Variants in FLYWCH1 observed in about 807,000 individuals in gnomAD.
FLYWCH1 encodes FLYWCH-type zinc finger-containing protein 1.
A neutral mutation model predicts 66.4 loss-of-function variants in FLYWCH1; 75 were observed. The ratio of observed to expected loss-of-function variants is 1.13; its 90% CI spans 0.94 to 1.37. FLYWCH1 has a LOEUF of 1.37. FLYWCH1 is among the 40% of genes most tolerant of loss of function. The pLI is 0.00. For missense variants in FLYWCH1, 1,334 were observed against 1,001.8 expected (o/e 1.33, Z -4.48); for synonymous variants, 595 against 429.9 (o/e 1.38, Z -4.75).
At chr16:2,925,015 CCTTCACT>C (rs1261269499) in intron 2 of FLYWCH1, among the ~76,000 whole-genome samples, 1 of 152,248 alleles carries the variant, frequency 6.6e-6, no homozygotes, top group African/African-American at 2.4e-5. Flanking sequence ...GCAGTCCCCA[CCTTCACT>C]CTGACGGCCT....
chr16:2,933,678 CCT>C (rs765770294), intron 5 of FLYWCH1, 36 bp from the exon 6 acceptor site: 3 of 1,594,354 alleles, frequency 1.9e-6, no homozygotes, highest in African/African-American at 2.7e-5. Context: ...CTACCCAGCC[CCT>C]GTCCCCTCCC....
At chr16:2,923,808 C>T (rs534165775) in intron 2 of FLYWCH1, among the ~76,000 whole-genome samples, 5 of 152,066 alleles carry the variant, frequency 3.3e-5, no homozygotes, top group South Asian at 2.1e-4. Flanking sequence ...AAGGCTGAGG[C>T]GGGTGGATCA....
At chr16:2,920,017 T>A (rs998614132) in intron 2 of FLYWCH1, among the ~76,000 whole-genome samples, 1 of 152,164 alleles carries the variant, frequency 6.6e-6, no homozygotes, top group Non-Finnish European at 1.5e-5. Flanking sequence ...CAGTGTGTGC[T>A]ACAGAAAAGC....
At position 2,933,772 on chromosome 16, in the gene FLYWCH1, T is replaced by C. The variant is rs1230144708; in HGVS notation, c.1306T>C (p.Phe436Leu). 5.6e-6 allele frequency: 9 copies of C among 1,613,192 alleles called. No homozygotes were observed. The East Asian group carries it at 2.0e-4, about 36-fold the overall frequency. Residue 436 changes from phenylalanine (F) to leucine (L), a missense_variant, in exon 6 of 10, where the codon TTC becomes CTC. Transcript: ENST00000253928. The stretch of plus-strand genomic sequence containing the variant: ...GGGCAGCTTCCTGGTGTACGAGTCC[T>C]TCCTCTACCGGCGGGAGAAGGCGGC... Reference protein sequence around the residue: ...LGGSFLVYESFLYRREKAAGE... With the variant: ...LGGSFLVYESLLYRREKAAGE...
chr16:2,934,771 T>G, intron 6 of FLYWCH1: 1 of 419,654 alleles, frequency 2.4e-6, no homozygotes, highest in Non-Finnish European at 4.8e-6. Flanking sequence ...GGTCCCCGCC[T>G]CGTCCTCACC....
chr16:2,924,231 G>A (rs1261893976), intron 2 of FLYWCH1, among the ~76,000 whole-genome samples: 1 of 151,956 alleles, frequency 6.6e-6, no homozygotes, highest in African/African-American at 2.4e-5. Flanking sequence ...TCGGGAGGCT[G>A]AGGCAGGAGA....
intron 6 of FLYWCH1, chr16:2,934,780 C>G (rs1040212151): frequency 2.5e-6 from 1 of 398,796 alleles, no homozygotes; most frequent in Admixed American, 3.0e-5. Context: ...CTCGTCCTCA[C>G]CCCCGCTCCT....
At chr16:2,914,630 G>A (rs1485106608) in intron 2 of FLYWCH1, among the ~76,000 whole-genome samples, 1 of 152,172 alleles carries the variant, frequency 6.6e-6, no homozygotes, top group Non-Finnish European at 1.5e-5. Context: ...CAGGCATGGT[G>A]GTTCACGTCT....
At chr16:2,914,423 C>T (rs140591003) in intron 2 of FLYWCH1, 134 bp downstream of exon 2, 13 of 152,368 alleles carry the variant, frequency 8.5e-5, no homozygotes, top group African/African-American at 2.6e-4. Flanking sequence ...TACGCTGAGC[C>T]CTTGTGGTCA....
intron 2 of FLYWCH1, among the ~76,000 whole-genome samples, chr16:2,917,658 C>G (rs538947672): frequency 6.6e-6 from 1 of 152,106 alleles, no homozygotes; most frequent in Non-Finnish European, 1.5e-5. Context: ...TGCTTAGGTT[C>G]GTCGCTTAGC....
At chr16:2,947,983 G>C (rs1462670550) in intron 9 of FLYWCH1, among the ~76,000 whole-genome samples, 1 of 152,088 alleles carries the variant, frequency 6.6e-6, no homozygotes, top group Non-Finnish European at 1.5e-5. Context: ...GGAGGCTGCA[G>C]TGAGCTCTGA....
chr16:2,933,187 A>C lies in FLYWCH1; in HGVS notation c.854A>C (p.His285Pro). Residue 285 changes from histidine (H) to proline (P), a missense_variant, in exon 5 of 10, where the codon CAC (histidine) becomes CCC (proline). Transcript: ENST00000253928. ...RTCYGGSFLV[H>P]ESFLYKREKA... ...TGCTACGGGGGCAGCTTCCTGGTAC[A>C]CGAGTCGTTCCTCTACAAGCGGGAG... 1 of 1,613,666 alleles carries C rather than the reference A, an allele frequency of 6.2e-7. No individual in the cohort carries two copies. Among genetic ancestry groups the C allele is most frequent in the South Asian group, 1.1e-5 (1 of 91,066 alleles).
At chr16:2,936,511 C>A in intron 6 of FLYWCH1, 1 of 449,740 alleles carries the variant, frequency 2.2e-6, no homozygotes, top group South Asian at 1.6e-5. Context: ...GCTTCCACTG[C>A]CACCCGATGT....
intron 2 of FLYWCH1, chr16:2,922,538 G>T: frequency 3.7e-6 from 1 of 270,510 alleles, no homozygotes; most frequent in Middle Eastern, 7.2e-4. Context: ...CTGCCCTGGG[G>T]ACCTCATACA....
At chr16:2,943,731 T>G (rs1229121153) in intron 9 of FLYWCH1, 1 of 152,126 alleles carries the variant, frequency 6.6e-6, no homozygotes, top group East Asian at 1.9e-4. Context: ...AGGTCAGGCG[T>G]TCGAGACCAG....
At chr16:2,915,401 T>C (rs779780377) in intron 2 of FLYWCH1, 2 of 152,284 alleles carry the variant, frequency 1.3e-5, no homozygotes, top group East Asian at 3.9e-4. Context: ...AATTGTTGTA[T>C]TTTTAGTAGA....
At chr16:2,930,064 C>T in intron 3 of FLYWCH1, 54 bp downstream of exon 3, 1 of 1,483,076 alleles carries the variant, frequency 6.7e-7, no homozygotes, top group South Asian at 1.2e-5. Flanking sequence ...CCAGCGCTCC[C>T]AGCAGGCCCT....
intron 2 of FLYWCH1, among the ~76,000 whole-genome samples, chr16:2,917,909 A>G (rs181445896): frequency 2.0e-4 from 29 of 145,032 alleles, no homozygotes; most frequent in Middle Eastern, 3.9e-3. Flanking sequence ...ATCTTGGCTC[A>G]CTGTGCAACC....
chr16:2,939,896 T>A, intron 8 of FLYWCH1, 136 bp from the exon 9 acceptor site: 1 of 980,364 alleles, frequency 1.0e-6, no homozygotes, highest in Non-Finnish European at 1.5e-6. Context: ...ATGCGTTGAA[T>A]TCCCAGCGTT....
Sources: allele counts gnomAD v4.1 joint callset (sites outside exome capture counted in the v4.1 genomes callset), GRCh38; gene constraint gnomAD v4.1.1; transcripts MANE v1.5; gene names NCBI Gene and HGNC (gene_info 2026-07-23, HGNC 2026-07-21).